MEX3A: variants seen among roughly 807,000 people sequenced by gnomAD.
MEX3A encodes the protein RNA-binding protein MEX3A.
In MEX3A, 4 loss-of-function variants were observed where a neutral mutation model predicts 30.0. The ratio of observed to expected loss-of-function variants is 0.13; its 90% CI spans 0.07 to 0.30. The LOEUF is 0.30. Among genes scored for constraint, MEX3A ranks in the 10% least tolerant of loss-of-function variants. MEX3A has a pLI of 1.00. For synonymous variants in MEX3A, 335 were observed against 327.6 expected (o/e 1.02, Z -0.24); for missense variants, 555 against 736.7 (o/e 0.75, Z 2.86).
At chr1:156,081,482 C>T in intron 1 of MEX3A, 63 bp downstream of exon 1, 1 of 1,421,962 alleles carries the variant, frequency 7.0e-7, no homozygotes, top group Non-Finnish European at 9.7e-7. Flanking sequence ...AATGAACTTT[C>T]CGCGCTAGGG....
At chr1:156,079,621 T>G (rs1369845004) in intron 1 of MEX3A, among the ~76,000 whole-genome samples, 1 of 152,224 alleles carries the variant, frequency 6.6e-6, no homozygotes, top group Non-Finnish European at 1.5e-5. Flanking sequence ...CCAGCCCACA[T>G]CCTTGCTGCT....
In MEX3A at chr1:156,076,530, G is replaced by A. The variant is rs1026953998; in HGVS notation, c.*44C>T. 3.2e-6 allele frequency: 5 copies of A among 1,556,106 alleles called. No homozygotes were observed. The highest frequency in any genetic ancestry group is 3.4e-4 in the Middle Eastern group (2 of 5,838). On this transcript the variant is annotated 3_prime_UTR_variant, in exon 2 of 2. Coordinates refer to ENST00000532414, the MANE Select transcript of MEX3A (RefSeq NM_001093725.2). The surrounding 1 kb of genome is among the most constrained non-coding windows in gnomAD (Gnocchi z 6.0). Reference sequence around the variant, plus strand: ...AGGCTTTAGTGGAAAACAGGTCCAGGGTGGGCCCAGTGGAGTGGGCCCCGG... The same window carrying A: ...AGGCTTTAGTGGAAAACAGGTCCAGAGTGGGCCCAGTGGAGTGGGCCCCGG...
rs1334134052 is a variant in MEX3A at position 156,077,258 on chromosome 1, G to A, written c.879C>T (p.Gly293=). The change falls in exon 2 of 2, where the codon GGC becomes GGT. Residue 293 remains glycine, a synonymous_variant. Coordinates refer to ENST00000532414, the MANE Select transcript of MEX3A (RefSeq NM_001093725.2). The surrounding 1 kb of genome is among the most constrained non-coding windows in gnomAD (Gnocchi z 8.3). Reference sequence around the variant, plus strand: ...TTTCATTGTTGTACTCGAGGATCTTGCCAGTGCGCACCGCGATGTGCGTCT... The same window carrying A: ...TTTCATTGTTGTACTCGAGGATCTTACCAGTGCGCACCGCGATGTGCGTCT... ...EIETHIAVRT[G]KILEYNNEND... 1.2e-6 allele frequency: 2 copies of A among 1,613,888 alleles called. No homozygotes were observed. The highest frequency in any genetic ancestry group is 1.7e-5 in the Admixed American group (1 of 60,034).
chr1:156,075,522 C>T lies in MEX3A; in HGVS notation c.*1052G>A, dbSNP rs1648032303. On this transcript the variant is annotated 3_prime_UTR_variant, in exon 2 of 2. Transcript: ENST00000532414. ...TTGACCCTTTACCCCAGTATTAGTC[C>T]CCTCCTCACATTTTCACTGAGAATG... 1 of 152,736 alleles carries T rather than the reference C, an allele frequency of 6.5e-6. No individual in the cohort carries two copies. The highest frequency in any genetic ancestry group is 1.5e-5 in the Non-Finnish European group (1 of 68,050). 9.5% of individuals were successfully genotyped at this position (152,736 alleles called of 1,614,324 possible).
Position 156,076,400 on chromosome 1 carries a change from G to A in MEX3A, c.*174C>T. 1.6e-6 allele frequency: 1 copy of A among 629,476 alleles called. No individual in the cohort carries two copies. Among genetic ancestry groups the A allele is most frequent in the Admixed American group, 3.3e-5 (1 of 30,062 alleles). 39.0% of individuals were successfully genotyped at this position (629,476 alleles called of 1,614,324 possible). ...ATCTTTCCAGGACAGGGTGACCAGAGGCTCTGAAAGTGGCGCACCCTCCAG... is the reference window on the plus strand; with the variant it reads ...ATCTTTCCAGGACAGGGTGACCAGAAGCTCTGAAAGTGGCGCACCCTCCAG... On this transcript the variant is annotated 3_prime_UTR_variant, in exon 2 of 2. Transcript: ENST00000532414. The surrounding 1 kb of genome is among the most constrained non-coding windows in gnomAD (Gnocchi z 6.0).
At position 156,081,956 on chromosome 1, in the gene MEX3A, C is replaced by G; in HGVS notation, c.43G>C (p.Gly15Arg). The G allele has an allele frequency of 6.5e-7, 1 of 1,538,326 alleles. No homozygotes were observed. Among genetic ancestry groups the G allele is most frequent in the Non-Finnish European group, 8.8e-7 (1 of 1,140,818 alleles). ...CCGAAACATCCTAGTTCTCCAAAGC[C>G]CCCATTTCTTTCCATTATTCCAGAT... Reference protein sequence around the residue: ...VVSGIMERNGGFGELGCFGGS... With the variant: ...VVSGIMERNGRFGELGCFGGS... Residue 15 changes from glycine (G) to arginine (R), a missense_variant, in exon 1 of 2, where the codon GGC becomes CGC. By Grantham distance (125) the Gly-to-Arg change is moderately radical. Transcript: ENST00000532414.
rs1052531160 is a variant in MEX3A at position 156,077,565 on chromosome 1, C to T, written c.572G>A (p.Arg191Gln). The change falls in exon 2 of 2, where the codon CGG (arginine) becomes CAG (glutamine). Residue 191 changes from arginine (R) to glutamine (Q), a missense_variant. By Grantham distance (43) the Arg-to-Gln change is conservative (BLOSUM62 1). Coordinates refer to ENST00000532414, the MANE Select transcript of MEX3A (RefSeq NM_001093725.2). The surrounding 1 kb of genome is among the most constrained non-coding windows in gnomAD (Gnocchi z 8.3). ...GRREDVATAR[R>Q]EIISAAEHFS... ...GTGCTCCGCTGCTGAGATGATTTCC[C>T]GCCGGGCTGTGGCCACGTCCTCCCG... The T allele has an allele frequency of 1.2e-6, 2 of 1,612,120 alleles. No homozygotes were observed. The highest frequency in any genetic ancestry group is 1.1e-5 in the South Asian group (1 of 90,832).
Position 156,077,079 on chromosome 1 carries a change from G to T in MEX3A, c.1058C>A (p.Ala353Asp), listed in dbSNP as rs1216188545. The change falls in exon 2 of 2, where the codon GCC becomes GAC. Residue 353 changes from alanine to aspartate, a missense_variant. By Grantham distance (126) the Ala-to-Asp change is moderately radical. Transcript: ENST00000532414. This position sits in a 1 kb window ranked among gnomAD's most constrained non-coding sequence, Gnocchi z 8.3. ...GECGVDSGFE[A>D]PRLGEQGGDF... ...CCCGCCCTGCTCACCCAGGCGTGGG[G>T]CCTCAAAGCCAGAGTCCACTCCGCA... is the stretch of plus-strand genomic sequence containing the variant. 5 of 1,613,776 alleles carry T rather than the reference G, an allele frequency of 3.1e-6. No homozygotes were observed. The highest frequency in any genetic ancestry group is 8.5e-7 in the Non-Finnish European group (1 of 1,179,846).
chr1:156,075,548 G>A lies in MEX3A; in HGVS notation c.*1026C>T, dbSNP rs1240568803. 1.3e-5 allele frequency: 2 copies of A among 152,758 alleles called. No individual in the cohort carries two copies. The highest frequency in any genetic ancestry group is 4.1e-4 in the South Asian group (2 of 4,824). The allele number at this position is 152,758 out of a possible 1,614,324, so 9.5% of individuals were successfully genotyped here. A position where few individuals can be genotyped will look rare whatever the true frequency, so the allele number is the denominator to read the frequency against. On this transcript the variant is annotated 3_prime_UTR_variant, in exon 2 of 2. Transcript: ENST00000532414. ...CCTCCTCACATTTTCACTGAGAATG[G>A]GGATACATTCCATCAATAATTTGAG...
rs1209777657 is a variant in MEX3A, at chr1:156,072,864, G to A, written c.*3710C>T. 2 of 152,342 alleles carry A rather than the reference G, an allele frequency of 1.3e-5. No individual in the cohort carries two copies. Among genetic ancestry groups the A allele is most frequent in the Non-Finnish European group, 2.9e-5 (2 of 68,048 alleles). The allele number at this position is 152,342 out of a possible 1,614,324, so 9.4% of individuals were successfully genotyped here. On this transcript the variant is annotated 3_prime_UTR_variant, in exon 2 of 2. Transcript: ENST00000532414. ...CTCCACTCCGTGGGAAGTCCTTCTTGGAATCTAACTTTTATGAGACAAGAA... is the reference window on the plus strand; with the variant it reads ...CTCCACTCCGTGGGAAGTCCTTCTTAGAATCTAACTTTTATGAGACAAGAA...
At chr1:156,081,002 C>T (rs375845478) in intron 1 of MEX3A, among the ~76,000 whole-genome samples, 2 of 152,276 alleles carry the variant, frequency 1.3e-5, no homozygotes, top group East Asian at 1.9e-4. Context: ...CCCCCCTCAC[C>T]GCCTCTTCCC....
At chr1:156,078,869 ACAT>A (rs1338536110) in intron 1 of MEX3A, among the ~76,000 whole-genome samples, 11 of 152,110 alleles carry the variant, frequency 7.2e-5, no homozygotes, top group African/African-American at 2.7e-4. Context: ...TTTCACACAC[ACAT>A]CAAGTCCCTG....
chr1:156,077,754 C>T lies in MEX3A; in HGVS notation c.455-72G>A, dbSNP rs1428400890. 1 of 1,483,376 alleles carries T rather than the reference C, an allele frequency of 6.7e-7. No individual in the cohort carries two copies. Among genetic ancestry groups the T allele is most frequent in the African/African-American group, 1.4e-5 (1 of 71,546 alleles). The allele number at this position is 1,483,376 out of a possible 1,614,324, so 91.9% of individuals were successfully genotyped here. A position where few individuals can be genotyped will look rare whatever the true frequency, so the allele number is the denominator to read the frequency against. ...AGGTTTGTGCTGGGACCAATAAATT[C>T]CTGATCCTTACCCAAATACCTAGCC... On this transcript the variant is annotated intron_variant, in intron 1 of 1. Coordinates refer to ENST00000532414, the MANE Select transcript of MEX3A (RefSeq NM_001093725.2). This position sits in a 1 kb window ranked among gnomAD's most constrained non-coding sequence, Gnocchi z 8.3.
rs1647984504 is a variant in MEX3A at position 156,073,895 on chromosome 1, A to ACAGCTT, written c.*2673_*2678dup. ...CCCAGGATCCTCAGTCCTTAGTCCT[A>ACAGCTT]CAGCTTCTTCCTTTCTTGTTAATCC... On this transcript the variant is annotated 3_prime_UTR_variant, in exon 2 of 2. Transcript: ENST00000532414. The ACAGCTT allele has an allele frequency of 6.5e-6, 1 of 152,672 alleles. No individual in the cohort carries two copies. Among genetic ancestry groups the ACAGCTT allele is most frequent in the Admixed American group, 6.5e-5 (1 of 15,288 alleles). 9.5% of individuals were successfully genotyped at this position (152,672 alleles called of 1,614,324 possible).
In MEX3A at chr1:156,074,400, ACTG is replaced by A. The variant is rs1358200744; in HGVS notation, c.*2171_*2173del. The A allele has an allele frequency of 4.0e-5, 6 of 148,746 alleles. No homozygotes were observed. The highest frequency in any genetic ancestry group is 8.9e-5 in the Non-Finnish European group (6 of 67,304). The allele number at this position is 148,746 out of a possible 1,614,324, so 9.2% of individuals were successfully genotyped here. On this transcript the variant is annotated 3_prime_UTR_variant, in exon 2 of 2. Transcript: ENST00000532414. ...AAAATAGAATATTAAATTATAAAGAACTGCTTTTTTTTTTTTTTTTTGCTATTT... is the reference window on the plus strand; with the variant it reads ...AAAATAGAATATTAAATTATAAAGAACTTTTTTTTTTTTTTTTTGCTATTT...
At position 156,077,074 on chromosome 1, in the gene MEX3A, G is replaced by A. The variant is rs1220201120; in HGVS notation, c.1063C>T (p.Arg355Cys). The change falls in exon 2 of 2, where the codon CGC (arginine) becomes TGC (cysteine). Residue 355 changes from arginine to cysteine, a missense_variant. Physicochemically the swap from Arg to Cys is radical, Grantham distance 180. Coordinates refer to ENST00000532414, the MANE Select transcript of MEX3A (RefSeq NM_001093725.2). The surrounding 1 kb of genome is among the most constrained non-coding windows in gnomAD (Gnocchi z 8.3). ...CGVDSGFEAPRLGEQGGDFGY... is the reference protein window; with the variant it reads ...CGVDSGFEAPCLGEQGGDFGY... The stretch of plus-strand genomic sequence containing the variant: ...AAGTCCCCGCCCTGCTCACCCAGGC[G>A]TGGGGCCTCAAAGCCAGAGTCCACT... The A allele has an allele frequency of 6.2e-7, 1 of 1,613,902 alleles. No homozygotes were observed. Among genetic ancestry groups the A allele is most frequent in the Non-Finnish European group, 8.5e-7 (1 of 1,179,834 alleles).
Position 156,076,309 on chromosome 1 carries a change from A to G in MEX3A, c.*265T>C, listed in dbSNP as rs1362021132. On this transcript the variant is annotated 3_prime_UTR_variant, in exon 2 of 2. Transcript: ENST00000532414. The surrounding 1 kb of genome is among the most constrained non-coding windows in gnomAD (Gnocchi z 6.0). ...AAAAGTTTCTCTTAGCTGCTTCCAG[A>G]TTTAAGGGTGTGTTGAGGTATCAGA... 3 of 369,540 alleles carry G rather than the reference A, an allele frequency of 8.1e-6. No homozygotes were observed. Among genetic ancestry groups the G allele is most frequent in the Non-Finnish European group, 1.5e-5 (3 of 206,516 alleles). 22.9% of individuals were successfully genotyped at this position (369,540 alleles called of 1,614,324 possible). A position where few individuals can be genotyped will look rare whatever the true frequency, so the allele number is the denominator to read the frequency against.
chr1:156,076,476 C>G lies in MEX3A; in HGVS notation c.*98G>C, dbSNP rs1474311958. 1.5e-6 allele frequency: 2 copies of G among 1,308,714 alleles called. No individual in the cohort carries two copies. Among genetic ancestry groups the G allele is most frequent in the African/African-American group, 3.0e-5 (2 of 67,524 alleles). 81.1% of individuals were successfully genotyped at this position (1,308,714 alleles called of 1,614,324 possible). A position where few individuals can be genotyped will look rare whatever the true frequency, so the allele number is the denominator to read the frequency against. Reference sequence around the variant, plus strand: ...CCCAGCGAGCGAGTATCTCTAAGCACCTTGCCCCTCAAATCACCGCTTTCC... The same window carrying G: ...CCCAGCGAGCGAGTATCTCTAAGCAGCTTGCCCCTCAAATCACCGCTTTCC... On this transcript the variant is annotated 3_prime_UTR_variant, in exon 2 of 2. Transcript: ENST00000532414. This position sits in a 1 kb window ranked among gnomAD's most constrained non-coding sequence, Gnocchi z 6.0.
chr1:156,081,710 C>T lies in MEX3A; in HGVS notation c.289G>A (p.Ala97Thr). The T allele has an allele frequency of 4.4e-6, 5 of 1,143,540 alleles. No individual in the cohort carries two copies. Among genetic ancestry groups the T allele is most frequent in the Non-Finnish European group, 5.4e-6 (5 of 919,818 alleles). The allele number at this position is 1,143,540 out of a possible 1,614,324, so 70.8% of individuals were successfully genotyped here. ...GTGGGGGGCTGGGGCGTCTGCGCTGCGGGGGCCGCCGTCGGGGCGGCCGGG... is the reference window on the plus strand; with the variant it reads ...GTGGGGGGCTGGGGCGTCTGCGCTGTGGGGGCCGCCGTCGGGGCGGCCGGG... ...APPAAPTAAP[A>T]AQTPQPPTAP... Residue 97 changes from alanine to threonine, a missense_variant, in exon 1 of 2, where the codon GCA (alanine) becomes ACA (threonine). Transcript: ENST00000532414.
Sources: gnomAD v4.1 joint callset for allele counts (sites outside exome capture counted in the v4.1 genomes callset) on GRCh38, gnomAD v4.1.1 for gene constraint, Gnocchi (gnomAD v3.1) non-coding constraint, MANE v1.5 for transcripts, NCBI Gene and HGNC (gene_info 2026-07-23, HGNC 2026-07-21) for gene names.